NFKBIZ: variants seen among roughly 807,000 people sequenced by gnomAD.
The protein encoded by NFKBIZ is NF-kappa-B inhibitor zeta.
In NFKBIZ, 19 loss-of-function variants were observed where a neutral mutation model predicts 76.8. The ratio of observed to expected loss-of-function variants is 0.25; its 90% CI spans 0.17 to 0.36. The LOEUF (loss-of-function observed/expected upper bound fraction) is 0.36. Ranked by LOEUF, NFKBIZ falls within the 10% of genes least tolerant of loss-of-function variation. The pLI, the probability that NFKBIZ is intolerant of heterozygous loss-of-function variation, is 1.00. For missense variants in NFKBIZ, 829 were observed against 910.9 expected, an observed-to-expected ratio of 0.91 and a Z score of 1.16; for synonymous variants, 368 against 354.8, an observed-to-expected ratio of 1.04 and a Z score of -0.42.
In NFKBIZ at chr3:101,860,084, G is replaced by A. The variant is rs1213783898; in HGVS notation, c.*713G>A. ...GTAGATAAAGCAGATGGGGAGTTAC[G>A]GAGTTGTTCCTTTACTGGCTGAAAG... On this transcript the variant is annotated 3_prime_UTR_variant, in exon 12 of 12. Coordinates refer to ENST00000326172, the MANE Select transcript of NFKBIZ (RefSeq NM_031419.4). The A allele has an allele frequency of 6.6e-6, 1 of 152,126 alleles. No homozygotes were observed. Among genetic ancestry groups the A allele is most frequent in the African/African-American group, 2.4e-5 (1 of 41,426 alleles). 9.4% of individuals were successfully genotyped at this position (152,126 alleles called of 1,614,324 possible). A position where few individuals can be genotyped will look rare whatever the true frequency, so the allele number is the denominator to read the frequency against.
At chr3:101,830,547 C>T (rs890169985) in intron 2 of NFKBIZ, among the ~76,000 whole-genome samples, 5 of 152,180 alleles carry the variant, frequency 3.3e-5, no homozygotes, top group African/African-American at 1.2e-4. Flanking sequence ...CAATGTTTAG[C>T]TCCCACTTAA....
chr3:101,852,669 C>G (rs531469144), intron 2 of NFKBIZ, 69 bp from the exon 3 acceptor site: 3 of 1,040,394 alleles, frequency 2.9e-6, no homozygotes, highest in South Asian at 2.8e-5. Context: ...AGAGATAAGC[C>G]TACTTACTGA....
chr3:101,834,455 G>A (rs1942688749), intron 2 of NFKBIZ, among the ~76,000 whole-genome samples: 1 of 152,036 alleles, frequency 6.6e-6, no homozygotes, highest in African/African-American at 2.4e-5. Context: ...CTGCCTCCGG[G>A]GTTCAAGCAA....
Position 101,849,545 on chromosome 3 carries a change from C to T in NFKBIZ, c.-84C>T, listed in dbSNP as rs1942912819. The T allele has an allele frequency of 1.7e-6, 2 of 1,205,644 alleles. No homozygotes were observed. The highest frequency in any genetic ancestry group is 2.7e-5 in the South Asian group (1 of 36,478). 74.7% of individuals were successfully genotyped at this position (1,205,644 alleles called of 1,614,324 possible). A position where few individuals can be genotyped will look rare whatever the true frequency, so the allele number is the denominator to read the frequency against. On this transcript the variant is annotated 5_prime_UTR_variant, in exon 1 of 12. Transcript: ENST00000326172. ...GCCCGCGCCGTCCGCCCGCCGACAG[C>T]TCCCTGAGCCAGCCCGGGAGGCAGC...
upstream of NFKBIZ, chr3:101,849,238 G>GA: frequency 6.2e-6 from 1 of 160,752 alleles, no homozygotes; most frequent in South Asian, 2.0e-4. Flanking sequence ...CGGGAGGCGG[G>GA]AGGCGGGAAG....
At chr3:101,852,567 G>A (rs1942983139) in intron 2 of NFKBIZ, among the ~76,000 whole-genome samples, 171 bp from the exon 3 acceptor site, 1 of 152,118 alleles carries the variant, frequency 6.6e-6, no homozygotes, top group Admixed American at 6.5e-5. Flanking sequence ...GTGAAAATGA[G>A]GAAGTCGCAA....
chr3:101,829,285 G>A (rs1010929960), intron 1 of NFKBIZ, among the ~76,000 whole-genome samples: 8 of 152,198 alleles, frequency 5.3e-5, no homozygotes, highest in African/African-American at 1.9e-4. Flanking sequence ...AGTGCACAGT[G>A]CAGATGACGG....
At chr3:101,836,635 T>C (rs1942724402) in intron 2 of NFKBIZ, among the ~76,000 whole-genome samples, 1 of 152,238 alleles carries the variant, frequency 6.6e-6, no homozygotes, top group Non-Finnish European at 1.5e-5. Context: ...TATAATTTAA[T>C]TTGATAATTA....
At chr3:101,836,870 T>C (rs977711562) in intron 2 of NFKBIZ, among the ~76,000 whole-genome samples, 8 of 152,238 alleles carry the variant, frequency 5.3e-5, no homozygotes, top group Admixed American at 5.2e-4. Flanking sequence ...AAAGTAGTTA[T>C]GACTCTCTTT....
rs367942172 is a variant in NFKBIZ at position 101,857,438 on chromosome 3, C to T, written c.2082C>T (p.Pro694=). Reference sequence around the variant, plus strand: ...ACGAACAGCCAGTGCATTTGGTTCCCGATGGCCCTGTGGGAGAACAGGTGA... The same window carrying T: ...ACGAACAGCCAGTGCATTTGGTTCCTGATGGCCCTGTGGGAGAACAGGTGA... The part of the protein sequence containing the change: ...LENEQPVHLV[P]DGPVGEQIRR... Residue 694 remains proline, a synonymous_variant, in exon 11 of 12, where the codon CCC becomes CCT. Coordinates refer to ENST00000326172, the MANE Select transcript of NFKBIZ (RefSeq NM_031419.4). The T allele has an allele frequency of 7.1e-5, 114 of 1,614,084 alleles. 2 individuals are homozygous for T. The highest frequency in any genetic ancestry group is 4.6e-4 in the South Asian group (42 of 91,072).
intron 2 of NFKBIZ, among the ~76,000 whole-genome samples, chr3:101,840,239 G>A (rs1435463680): frequency 2.0e-5 from 3 of 152,142 alleles, no homozygotes; most frequent in African/African-American, 7.2e-5. Flanking sequence ...AATGCTCTCT[G>A]CCTTTTTGGA....
At chr3:101,838,575 C>T (rs575088782) in intron 2 of NFKBIZ, among the ~76,000 whole-genome samples, 5 of 152,296 alleles carry the variant, frequency 3.3e-5, no homozygotes, top group African/African-American at 1.2e-4. Context: ...AATGTAAAAA[C>T]CATTTTTAGG....
At chr3:101,839,201 A>G (rs1337923084) in intron 2 of NFKBIZ, among the ~76,000 whole-genome samples, 1 of 152,194 alleles carries the variant, frequency 6.6e-6, no homozygotes, top group East Asian at 1.9e-4. Flanking sequence ...AGACTTATAA[A>G]AACAAACAAA....
intron 9 of NFKBIZ, 59 bp downstream of exon 9, chr3:101,855,961 G>C (rs1943043446): frequency 6.9e-7 from 1 of 1,440,536 alleles, no homozygotes; most frequent in Admixed American, 2.3e-5. Flanking sequence ...TATAGCAAAA[G>C]ACCTTGCTTC....
At chr3:101,857,597 G>A in intron 11 of NFKBIZ, 138 bp downstream of exon 11, 2 of 1,461,614 alleles carry the variant, frequency 1.4e-6, no homozygotes, top group South Asian at 1.4e-5. Flanking sequence ...CACGGTAGCT[G>A]TCATAGCATT....
At chr3:101,848,727 T>C (rs1481096181), upstream of NFKBIZ, among the ~76,000 whole-genome samples, 4 of 152,276 alleles carry the variant, frequency 2.6e-5, no homozygotes, top group African/African-American at 9.6e-5. Flanking sequence ...CTACATATAC[T>C]ACAGCACCTA....
chr3:101,856,235 A>G (rs1261438323), intron 9 of NFKBIZ, among the ~76,000 whole-genome samples: 1 of 152,126 alleles, frequency 6.6e-6, no homozygotes, highest in Non-Finnish European at 1.5e-5. Context: ...TATTTTTAGT[A>G]GAGACGGGGT....
At chr3:101,834,038 A>G (rs1408701854) in intron 2 of NFKBIZ, among the ~76,000 whole-genome samples, 2 of 152,170 alleles carry the variant, frequency 1.3e-5, no homozygotes, top group Admixed American at 1.3e-4. Flanking sequence ...CTTGGTGGGA[A>G]TTAATTTTTA....
At chr3:101,850,127 C>T (rs933488506) in intron 1 of NFKBIZ, 6 of 447,648 alleles carry the variant, frequency 1.3e-5, no homozygotes, top group Non-Finnish European at 2.3e-5. Flanking sequence ...CGGCTCCCTC[C>T]CGCGGGCCTC....
Sources: allele counts gnomAD v4.1 joint callset (sites outside exome capture counted in the v4.1 genomes callset), GRCh38; gene constraint gnomAD v4.1.1; transcripts MANE v1.5; gene names NCBI Gene and HGNC (gene_info 2026-07-23, HGNC 2026-07-21).